Variants in CCDC172 observed in about 807,000 individuals in gnomAD.
CCDC172 encodes coiled-coil domain containing 172, also known as coiled-coil domain-containing protein 172.
In CCDC172, 30 loss-of-function variants were observed where a neutral mutation model predicts 38.0. The ratio of observed to expected loss-of-function variants is 0.79; its 90% CI spans 0.59 to 1.07. The LOEUF is 1.07. Among genes scored for constraint, CCDC172 ranks in the 50% least tolerant of loss-of-function variants. The probability of loss-of-function intolerance (pLI) is 0.00; values close to 1 mark genes in which losing one functional copy is unlikely to be tolerated. For synonymous variants in CCDC172, 78 were observed against 88.3 expected, an observed-to-expected ratio of 0.88 and a Z score of 0.66; for missense variants, 297 against 290.1, an observed-to-expected ratio of 1.02 and a Z score of -0.17.
intron 5 of CCDC172, among the ~76,000 whole-genome samples, chr10:116,356,459 G>A (rs1462160064): frequency 6.6e-6 from 1 of 151,846 alleles, no homozygotes; most frequent in Non-Finnish European, 1.5e-5. Context: ...GCAGATCAGA[G>A]GCCGCAGAAG....
chr10:116,349,320 C>T (rs1365849724), intron 5 of CCDC172, among the ~76,000 whole-genome samples: 1 of 152,104 alleles, frequency 6.6e-6, no homozygotes, highest in Non-Finnish European at 1.5e-5. Flanking sequence ...TGAAGCCACT[C>T]CTCTCCCTCC....
At chr10:116,335,909 G>T (rs1421492680) in intron 3 of CCDC172, among the ~76,000 whole-genome samples, 1 of 152,018 alleles carries the variant, frequency 6.6e-6, no homozygotes, top group East Asian at 1.9e-4. Flanking sequence ...GCTCACATCT[G>T]TATTCCCAGC....
chr10:116,363,943 A>G (rs35173803), intron 7 of CCDC172, among the ~76,000 whole-genome samples: 8 of 149,256 alleles, frequency 5.4e-5, no homozygotes, highest in African/African-American at 2.0e-4. Context: ...AAAAAAAAAA[A>G]AAAAAATAAT....
chr10:116,363,045 A>G (rs937256855), intron 7 of CCDC172, among the ~76,000 whole-genome samples: 2 of 152,254 alleles, frequency 1.3e-5, no homozygotes, highest in Non-Finnish European at 2.9e-5. Flanking sequence ...AAATAATTTT[A>G]TTATACAAGC....
chr10:116,374,771 T>G (rs1845226062), intron 7 of CCDC172, among the ~76,000 whole-genome samples: 1 of 151,996 alleles, frequency 6.6e-6, no homozygotes. Flanking sequence ...ATAACTATAT[T>G]AAATGAAAAT....
chr10:116,378,335 A>G (rs1234251341), intron 7 of CCDC172, 88 bp from the exon 8 acceptor site: 18 of 1,276,308 alleles, frequency 1.4e-5, no homozygotes, highest in Non-Finnish European at 1.9e-5. Context: ...AATTCTGATT[A>G]TAGAAGCTAC....
intron 7 of CCDC172, among the ~76,000 whole-genome samples, chr10:116,374,627 A>G (rs1041932628): frequency 1.2e-4 from 18 of 152,098 alleles, no homozygotes; most frequent in Middle Eastern, 3.4e-3. Flanking sequence ...TAATAAGTCA[A>G]TAGAGGAGAT....
intron 5 of CCDC172, among the ~76,000 whole-genome samples, chr10:116,352,533 A>G (rs1427917504): frequency 2.0e-5 from 3 of 152,192 alleles, no homozygotes; most frequent in African/African-American, 7.2e-5. Context: ...AAATAACCAA[A>G]GACACAGAAG....
chr10:116,370,315 G>C (rs889538899), intron 7 of CCDC172, among the ~76,000 whole-genome samples: 1 of 151,790 alleles, frequency 6.6e-6, no homozygotes, highest in Non-Finnish European at 1.5e-5. Flanking sequence ...CTTTGACCTT[G>C]TACGGTTTCA....
At chr10:116,378,150 C>A (rs1845270441) in intron 7 of CCDC172, among the ~76,000 whole-genome samples, 1 of 152,118 alleles carries the variant, frequency 6.6e-6, no homozygotes, top group South Asian at 2.1e-4. Flanking sequence ...CACTGTACTC[C>A]AGCCTGGATG....
chr10:116,325,738 G>A (rs1224188825), intron 3 of CCDC172, among the ~76,000 whole-genome samples: 1 of 152,166 alleles, frequency 6.6e-6, no homozygotes, highest in Non-Finnish European at 1.5e-5. Flanking sequence ...TAAATAATTT[G>A]TGTGCTATGT....
At chr10:116,359,545 G>C (rs1358680502) in intron 7 of CCDC172, among the ~76,000 whole-genome samples, 1 of 152,076 alleles carries the variant, frequency 6.6e-6, no homozygotes, top group Non-Finnish European at 1.5e-5. Flanking sequence ...TAGTAACCCT[G>C]TCCTCTACCC....
chr10:116,368,410 C>T (rs959842953), intron 7 of CCDC172, among the ~76,000 whole-genome samples: 20 of 151,738 alleles, frequency 1.3e-4, no homozygotes, highest in African/African-American at 4.8e-4. Context: ...GTTTCCTTTT[C>T]CCCTCCTTCC....
In CCDC172 at chr10:116,342,076, T is replaced by G. The variant is rs1844802387; in HGVS notation, c.323T>G (p.Phe108Cys). Reference protein sequence around the residue: ...KKQMIEEEDKFIKEITDFNND... With the variant: ...KKQMIEEEDKCIKEITDFNND... ...CAAATGATAGAGGAGGAAGACAAAT[T>G]TATTAAGGAAATTACAGACTTTAAT... The change falls in exon 5 of 9, where the codon TTT becomes TGT. Residue 108 changes from phenylalanine (F) to cysteine (C), a missense_variant. Transcript: ENST00000333254. The G allele has an allele frequency of 2.6e-6, 4 of 1,536,396 alleles. No homozygotes were observed. The highest frequency in any genetic ancestry group is 3.5e-6 in the Non-Finnish European group (4 of 1,146,362).
intron 7 of CCDC172, among the ~76,000 whole-genome samples, chr10:116,373,547 C>G (rs1845211437): frequency 6.6e-6 from 1 of 152,078 alleles, no homozygotes; most frequent in Non-Finnish European, 1.5e-5. Flanking sequence ...CTTTGTTGCC[C>G]AGACTGGAGT....
chr10:116,354,092 T>A (rs753959163), intron 5 of CCDC172, among the ~76,000 whole-genome samples: 2 of 152,196 alleles, frequency 1.3e-5, no homozygotes. Flanking sequence ...ATGACAGTGG[T>A]GCAATAAGAT....
intron 5 of CCDC172, among the ~76,000 whole-genome samples, chr10:116,350,758 T>A (rs1385955443): frequency 6.6e-6 from 1 of 152,192 alleles, no homozygotes; most frequent in Non-Finnish European, 1.5e-5. Flanking sequence ...TGTTAAAAGA[T>A]GTAAATTAAT....
intron 4 of CCDC172, among the ~76,000 whole-genome samples, 179 bp from the exon 5 acceptor site, chr10:116,341,857 T>C (rs1279423272): frequency 6.6e-6 from 1 of 152,024 alleles, no homozygotes; most frequent in Admixed American, 6.6e-5. Flanking sequence ...TGTTACTATA[T>C]AATAGCTTCA....
rs187271392 is a variant in CCDC172, at chr10:116,331,513, G to A, written c.165+6125G>A. On this transcript the variant is annotated intron_variant, in intron 3 of 8. Coordinates refer to ENST00000333254, the MANE Select transcript of CCDC172 (RefSeq NM_198515.3). ...AAATTAATCTATTTTGTTCATTGCTGTTATTCCCAGCATCTAGAACAGTGC... is the reference window on the plus strand; with the variant it reads ...AAATTAATCTATTTTGTTCATTGCTATTATTCCCAGCATCTAGAACAGTGC... 3.1e-3 allele frequency among the ~76,000 whole-genome samples: 472 copies of A among 152,262 alleles called. 2 individuals carry two copies. The highest frequency in any genetic ancestry group is 0.011 in the African/African-American group (442 of 41,550).
Sources: allele counts gnomAD v4.1 joint callset (sites outside exome capture counted in the v4.1 genomes callset), GRCh38; gene constraint gnomAD v4.1.1; transcripts MANE v1.5; gene names NCBI Gene and HGNC (gene_info 2026-07-23, HGNC 2026-07-21).